ZHX2: variants seen among roughly 807,000 people sequenced by gnomAD.
The protein encoded by ZHX2 is zinc fingers and homeoboxes 2, also known as zinc fingers and homeoboxes protein 2.
In ZHX2, 6 loss-of-function variants were observed where a neutral mutation model predicts 21.9. The observed-to-expected ratio is 0.27, with a 90% CI of 0.15 to 0.54. ZHX2 has a LOEUF of 0.54. ZHX2 is among the 20% of genes least tolerant of loss of function. The probability of loss-of-function intolerance (pLI) is 0.95; values close to 1 mark genes in which losing one functional copy is unlikely to be tolerated. For missense variants in ZHX2, 908 were observed against 1,090.7 expected, an observed-to-expected ratio of 0.83 and a Z score of 2.36; for synonymous variants, 434 against 437.1, an observed-to-expected ratio of 0.99 and a Z score of 0.09.
At chr8:122,833,927 G>T (rs1368598272) in intron 1 of ZHX2, among the ~76,000 whole-genome samples, 1 of 152,040 alleles carries the variant, frequency 6.6e-6, no homozygotes, top group Non-Finnish European at 1.5e-5. Flanking sequence ...AACCCGGGAG[G>T]CGGAGCTTGC....
Position 122,938,159 on chromosome 8 carries a change from T to TCCTGACCTCGTGATCCGCCCA in ZHX2, c.-219-13129_-219-13109dup, listed in dbSNP as rs373695060. 8.0e-3 allele frequency among the ~76,000 whole-genome samples: 1,195 copies of TCCTGACCTCGTGATCCGCCCA among 149,320 alleles called. 13 individuals are homozygous for TCCTGACCTCGTGATCCGCCCA. Among genetic ancestry groups the TCCTGACCTCGTGATCCGCCCA allele is most frequent in the African/African-American group, 0.027 (1,104 of 40,586 alleles). On this transcript the variant is annotated intron_variant, in intron 2 of 3. Transcript: ENST00000314393. ...CATGTTGGCCTGGCTGGTCTCGATC[T>TCCTGACCTCGTGATCCGCCCA]CCTGACCTCGTGATCCGCCCACCTC... is the stretch of plus-strand genomic sequence containing the variant.
intron 2 of ZHX2, among the ~76,000 whole-genome samples, chr8:122,919,256 T>A (rs1428190529): frequency 6.6e-6 from 1 of 152,216 alleles, no homozygotes; most frequent in Non-Finnish European, 1.5e-5. Context: ...GCAGCTTAAG[T>A]TTTTTCTTAT....
At chr8:122,795,806 G>C (rs1817602799) in intron 1 of ZHX2, among the ~76,000 whole-genome samples, 1 of 152,190 alleles carries the variant, frequency 6.6e-6, no homozygotes, top group Non-Finnish European at 1.5e-5. Context: ...TTTGAAGCCA[G>C]GTCTGAGTGA....
intron 1 of ZHX2, among the ~76,000 whole-genome samples, chr8:122,829,362 G>C (rs149096969): frequency 2.0e-3 from 302 of 152,358 alleles, no homozygotes; most frequent in Non-Finnish European, 3.4e-3. Context: ...AACAAGGCTT[G>C]TTAACTTTTA....
At chr8:122,842,632 G>A (rs1586316650) in intron 1 of ZHX2, among the ~76,000 whole-genome samples, 2 of 152,266 alleles carry the variant, frequency 1.3e-5, no homozygotes, top group South Asian at 2.1e-4. Context: ...GTGTGAACCC[G>A]GGAGGCGGAG....
At chr8:122,920,874 T>C (rs772496655) in intron 2 of ZHX2, among the ~76,000 whole-genome samples, 53 of 152,092 alleles carry the variant, frequency 3.5e-4, no homozygotes, top group Non-Finnish European at 6.6e-4. Flanking sequence ...CTGAGCTCCA[T>C]ATGGGCGGGC....
At chr8:122,803,619 G>A (rs1006937551) in intron 1 of ZHX2, among the ~76,000 whole-genome samples, 3 of 152,192 alleles carry the variant, frequency 2.0e-5, no homozygotes, top group East Asian at 1.9e-4. Context: ...ATGTGCCCTC[G>A]GGGACGAAAC....
intron 2 of ZHX2, among the ~76,000 whole-genome samples, chr8:122,941,121 C>T (rs1302909699): frequency 6.6e-6 from 1 of 151,426 alleles, no homozygotes; most frequent in African/African-American, 2.4e-5. Context: ...GTGGCATGTG[C>T]CTGTAGTCCC....
At chr8:122,971,611 C>CAAAAAAAAAA (rs56331425) in intron 3 of ZHX2, among the ~76,000 whole-genome samples, 1,838 of 81,666 alleles carry the variant, frequency 0.023, 139 homozygotes, top group African/African-American at 0.039. Flanking sequence ...GGCCCCTGTA[C>CAAAAAAAAAA]AAAAAAAAAA....
At chr8:122,799,572 G>T (rs1483154246) in intron 1 of ZHX2, among the ~76,000 whole-genome samples, 1 of 152,136 alleles carries the variant, frequency 6.6e-6, no homozygotes, top group Non-Finnish European at 1.5e-5. Flanking sequence ...TTTAAATCTG[G>T]AATTTTGTTC....
intron 1 of ZHX2, among the ~76,000 whole-genome samples, chr8:122,825,511 G>T (rs1344411357): frequency 1.3e-5 from 2 of 152,076 alleles, no homozygotes; most frequent in Admixed American, 6.6e-5. Context: ...CCTAGTTTTC[G>T]AGCTCTGCCA....
rs763939712 is a variant in ZHX2, at chr8:122,858,815, A to AT, written c.-282-4657dup. 1.9e-3 allele frequency among the ~76,000 whole-genome samples: 281 copies of AT among 151,670 alleles called. 1 individual carries two copies. Among genetic ancestry groups the AT allele is most frequent in the Non-Finnish European group, 3.3e-3 (226 of 67,854 alleles). ...GCCACTATACCCAGCTAATTTTTGT[A>AT]TTTTTAGTAGAGACAGGATTTCACC... On this transcript the variant is annotated intron_variant, in intron 1 of 3. Transcript: ENST00000314393.
rs1412242705 is a variant in ZHX2 at position 122,953,177 on chromosome 8, A to G, written c.1667A>G (p.Gln556Arg). ...DSFLKSSFPTQAELDRLRVET... is the reference protein window; with the variant it reads ...DSFLKSSFPTRAELDRLRVET... ...TTTTTGAAAAGTTCTTTTCCTACCCAAGCAGAACTGGATCGGCTAAGGGTG... is the reference window on the plus strand; with the variant it reads ...TTTTTGAAAAGTTCTTTTCCTACCCGAGCAGAACTGGATCGGCTAAGGGTG... The change falls in exon 3 of 4, where the codon CAA becomes CGA. Residue 556 changes from glutamine (Q) to arginine (R), a missense_variant. Transcript: ENST00000314393. This position sits in a 1 kb window ranked among gnomAD's most constrained non-coding sequence, Gnocchi z 4.6. 1.2e-6 allele frequency: 2 copies of G among 1,613,804 alleles called. No homozygotes were observed. Among genetic ancestry groups the G allele is most frequent in the Admixed American group, 3.3e-5 (2 of 60,008 alleles).
intron 2 of ZHX2, among the ~76,000 whole-genome samples, chr8:122,943,826 C>G (rs1464263194): frequency 6.6e-6 from 1 of 152,178 alleles, no homozygotes. Context: ...AATCCAAGAC[C>G]CCTCTGTTTC....
At chr8:122,869,270 C>T (rs1436714175) in intron 2 of ZHX2, among the ~76,000 whole-genome samples, 1 of 152,154 alleles carries the variant, frequency 6.6e-6, no homozygotes, top group African/African-American at 2.4e-5. Context: ...ATCCCACCCT[C>T]CCATTCTCCG....
intron 1 of ZHX2, among the ~76,000 whole-genome samples, chr8:122,835,326 AGAAG>A (rs751204408): frequency 1.3e-5 from 2 of 152,284 alleles, no homozygotes; most frequent in East Asian, 1.9e-4. Flanking sequence ...AGGGCAGGAG[AGAAG>A]GAAGAAGCTG....
In ZHX2 at chr8:122,951,861, C is replaced by G. The variant is rs767291079; in HGVS notation, c.351C>G (p.Phe117Leu). ...NPLYVCAECN[F>L]TTKKYDSLSD... is the part of the protein sequence containing the mutation. Reference sequence around the variant, plus strand: ...TCTACGTGTGTGCAGAATGTAACTTCACAACCAAAAAGTACGACTCCCTAT... The same window carrying G: ...TCTACGTGTGTGCAGAATGTAACTTGACAACCAAAAAGTACGACTCCCTAT... The change falls in exon 3 of 4, where the codon TTC becomes TTG. Residue 117 changes from phenylalanine to leucine, a missense_variant. Physicochemically the swap from Phe to Leu is conservative, Grantham distance 22. Coordinates refer to ENST00000314393, the MANE Select transcript of ZHX2 (RefSeq NM_014943.5). 2 of 1,614,020 alleles carry G rather than the reference C, an allele frequency of 1.2e-6. No homozygotes were observed. The highest frequency in any genetic ancestry group is 1.3e-5 in the African/African-American group (1 of 74,910).
At chr8:122,822,665 G>A (rs117940302) in intron 1 of ZHX2, among the ~76,000 whole-genome samples, 2,196 of 152,330 alleles carry the variant, frequency 0.014, 25 homozygotes, top group Non-Finnish European at 0.023. Flanking sequence ...GCAGAGGTCC[G>A]GAAAAGATGA....
chr8:122,957,798 G>A (rs562582892), intron 3 of ZHX2, among the ~76,000 whole-genome samples: 1 of 152,160 alleles, frequency 6.6e-6, no homozygotes, highest in South Asian at 2.1e-4. Flanking sequence ...TTGAGAAAGG[G>A]GCTGCCTTCT....
Sources: gnomAD v4.1 joint callset for allele counts (sites outside exome capture counted in the v4.1 genomes callset) on GRCh38, gnomAD v4.1.1 for gene constraint, Gnocchi (gnomAD v3.1) non-coding constraint, MANE v1.5 for transcripts, NCBI Gene and HGNC (gene_info 2026-07-23, HGNC 2026-07-21) for gene names.